The following TP53BP2 variants were observed in gnomAD, a reference collection of about 807,000 sequenced individuals.
The protein encoded by TP53BP2 is tumor protein p53 binding protein 2.
In TP53BP2, 62 loss-of-function variants were observed where a neutral mutation model predicts 126.2. The observed-to-expected ratio is 0.49, with a 90% confidence interval of 0.40 to 0.61. The LOEUF is 0.61. Ranked by LOEUF, TP53BP2 falls within the 20% of genes least tolerant of loss-of-function variation. The pLI is 0.00. For missense variants in TP53BP2, 1,215 were observed against 1,402.8 expected (o/e 0.87, Z 2.14); for synonymous variants, 485 against 502.9 (o/e 0.96, Z 0.48).
intron 1 of TP53BP2, among the ~76,000 whole-genome samples, chr1:223,843,657 G>A (rs1664177506): frequency 6.6e-6 from 1 of 152,120 alleles, no homozygotes; most frequent in African/African-American, 2.4e-5. Context: ...TCTACATTCT[G>A]AGACTATCCA....
At chr1:223,803,553 A>G in intron 6 of TP53BP2, 101 bp from the exon 7 acceptor site, 1 of 1,192,636 alleles carries the variant, frequency 8.4e-7, no homozygotes, top group South Asian at 1.9e-5. Flanking sequence ...AATAAACAGT[A>G]GAAAAATTTT....
intron 17 of TP53BP2, among the ~76,000 whole-genome samples, chr1:223,781,920 A>T (rs1303083416): frequency 6.6e-6 from 1 of 152,220 alleles, no homozygotes; most frequent in Non-Finnish European, 1.5e-5. Context: ...GAAAATATTC[A>T]GTCCAGTCTG....
chr1:223,795,304 G>A (rs945457844), intron 13 of TP53BP2, among the ~76,000 whole-genome samples: 23 of 152,222 alleles, frequency 1.5e-4, no homozygotes. Flanking sequence ...CCTCAGCCCA[G>A]TTACCCCTCC....
At chr1:223,781,398 A>G (rs1661773484) in intron 17 of TP53BP2, among the ~76,000 whole-genome samples, 1 of 152,246 alleles carries the variant, frequency 6.6e-6, no homozygotes, top group Admixed American at 6.5e-5. Context: ...AATTTAAGGA[A>G]GATTAGGTGG....
chr1:223,786,399 T>C (rs959581916), intron 16 of TP53BP2, among the ~76,000 whole-genome samples: 1 of 152,182 alleles, frequency 6.6e-6, no homozygotes, highest in Non-Finnish European at 1.5e-5. Flanking sequence ...ACTATCATTA[T>C]TACTTAAACA....
At chr1:223,787,800 C>T (rs905084054) in intron 16 of TP53BP2, among the ~76,000 whole-genome samples, 39 of 151,798 alleles carry the variant, frequency 2.6e-4, no homozygotes, top group African/African-American at 8.9e-4. Context: ...ATCACCTGAG[C>T]CCTGGCAGTC....
intron 1 of TP53BP2, among the ~76,000 whole-genome samples, chr1:223,841,774 A>G (rs890752110): frequency 1.3e-5 from 2 of 152,182 alleles, no homozygotes; most frequent in Admixed American, 6.5e-5. Context: ...AGAAGCTCAA[A>G]TTTTATTCTG....
intron 1 of TP53BP2, chr1:223,845,283 AG>A (rs1344489581): frequency 7.1e-6 from 7 of 983,644 alleles, no homozygotes; most frequent in Non-Finnish European, 3.6e-6. Context: ...AAAAAGACAC[AG>A]CAAAGAACAA....
chr1:223,799,134 G>A (rs1177221157), intron 11 of TP53BP2, among the ~76,000 whole-genome samples: 1 of 151,970 alleles, frequency 6.6e-6, no homozygotes, highest in African/African-American at 2.4e-5. Context: ...TTTGTTTTAT[G>A]TACTTATTTA....
chr1:223,828,380 T>G (rs1006278702), intron 1 of TP53BP2, among the ~76,000 whole-genome samples: 2 of 152,234 alleles, frequency 1.3e-5, no homozygotes, highest in African/African-American at 2.4e-5. Context: ...TAGGAACTTA[T>G]CTACGTTTAA....
At chr1:223,821,059 T>C (rs953688797) in intron 2 of TP53BP2, 161 bp downstream of exon 2, 176 of 832,908 alleles carry the variant, frequency 2.1e-4, no homozygotes, top group Middle Eastern at 1.5e-3. Context: ...AAAGACTTCA[T>C]GTATCATACC....
Position 223,798,565 on chromosome 1 carries a change from T to C in TP53BP2, c.1598A>G (p.Asp533Gly). ...TGTTGACAACTGCTGAGAACTTCCG[T>C]CTGGCTTAATGTCTGAAGGTGGCTG... ...TNQPPSDIKPDGSSQQLSTVV... is the reference protein window; with the variant it reads ...TNQPPSDIKPGGSSQQLSTVV... Residue 533 changes from aspartate (D) to glycine (G), a missense_variant, in exon 12 of 18, where the codon GAC (aspartate) becomes GGC (glycine). Asp to Gly is a moderately conservative substitution (Grantham distance 94). Transcript: ENST00000343537. 1 of 1,614,196 alleles carries C rather than the reference T, an allele frequency of 6.2e-7. No homozygotes were observed. Among genetic ancestry groups the C allele is most frequent in the Non-Finnish European group, 8.5e-7 (1 of 1,180,030 alleles).
chr1:223,820,132 G>GT (rs1663248949), intron 2 of TP53BP2, among the ~76,000 whole-genome samples: 1 of 152,208 alleles, frequency 6.6e-6, no homozygotes, highest in Non-Finnish European at 1.5e-5. Context: ...AGCAATGACA[G>GT]TATCTGGAGA....
chr1:223,825,960 GA>G, intron 1 of TP53BP2: 1 of 152,502 alleles, frequency 6.6e-6, no homozygotes, highest in Non-Finnish European at 1.5e-5. Context: ...GGAGGAAGGT[GA>G]AAAGTGAATG....
chr1:223,790,687 C>G (rs1337617174), intron 15 of TP53BP2, among the ~76,000 whole-genome samples: 1 of 149,348 alleles, frequency 6.7e-6, no homozygotes, highest in Non-Finnish European at 1.5e-5. Flanking sequence ...TCACTGCAGT[C>G]TTGACCTCCA....
intron 1 of TP53BP2, among the ~76,000 whole-genome samples, chr1:223,823,170 T>A (rs1663373084): frequency 6.6e-6 from 1 of 152,130 alleles, no homozygotes. Context: ...ACACAGCAAT[T>A]GGAGGGCCTA....
rs1471404015 is a variant in TP53BP2, at chr1:223,784,136, A to G, written c.3342T>C (p.Tyr1114=). The G allele has an allele frequency of 2.5e-6, 4 of 1,614,198 alleles. No homozygotes were observed. In the East Asian group the frequency reaches 6.7e-5, roughly 27 times the overall value. ...WWARLNDKEG[Y]VPRNLLGLYP... ...TTACTCCCAGCAAGTTACGTGGAAC[A>G]TATCCCTCCTTATCATTAAGGCGCG... is the stretch of plus-strand genomic sequence containing the variant. The change falls in exon 17 of 18, where the codon TAT becomes TAC. Residue 1114 remains tyrosine (Y), a synonymous_variant. Coordinates refer to ENST00000343537, the MANE Select transcript of TP53BP2 (RefSeq NM_001031685.3).
intron 1 of TP53BP2, among the ~76,000 whole-genome samples, chr1:223,841,882 C>T (rs924443913): frequency 6.6e-6 from 1 of 151,008 alleles, no homozygotes; most frequent in Non-Finnish European, 1.5e-5. Flanking sequence ...TTCAACTGAG[C>T]TTTTTAAAAT....
rs138649239 is a variant in TP53BP2 at position 223,799,998 on chromosome 1, C to T, written c.1386G>A (p.Pro462=). 3 of 1,612,408 alleles carry T rather than the reference C, an allele frequency of 1.9e-6. No homozygotes were observed. Among genetic ancestry groups the T allele is most frequent in the East Asian group, 2.2e-5 (1 of 44,806 alleles). Residue 462 remains proline, a synonymous_variant, in exon 11 of 18, where the codon CCG becomes CCA. Coordinates refer to ENST00000343537, the MANE Select transcript of TP53BP2 (RefSeq NM_001031685.3). The part of the protein sequence containing the change: ...PLREKEKKVR[P]FSMFDAVDQS... ...GGTCTACTGCATCAAACATTGAGAA[C>T]GGACGCACTTTCTTCTCTTTCTCCC...
Sources: gnomAD v4.1 joint callset for allele counts (sites outside exome capture counted in the v4.1 genomes callset) on GRCh38, gnomAD v4.1.1 for gene constraint, MANE v1.5 for transcripts, NCBI Gene and HGNC (gene_info 2026-07-23, HGNC 2026-07-21) for gene names.